ARHGAP15: variants seen among roughly 807,000 people sequenced by gnomAD.
ARHGAP15 encodes the protein Rho GTPase activating protein 15.
A neutral mutation model predicts 63.7 loss-of-function variants in ARHGAP15; 51 were observed. That is an observed-to-expected ratio of 0.80 (90% CI 0.64 to 1.01). The LOEUF is 1.01. Among genes scored for constraint, ARHGAP15 ranks in the 50% least tolerant of loss-of-function variants. The pLI is 0.00. For missense variants in ARHGAP15, 560 were observed against 564.6 expected (o/e 0.99, Z 0.08); for synonymous variants, 191 against 193.8 (o/e 0.99, Z 0.12).
At chr2:143,697,229 A>G (rs914253621) in intron 12 of ARHGAP15, among the ~76,000 whole-genome samples, 6 of 152,306 alleles carry the variant, frequency 3.9e-5, no homozygotes, top group Middle Eastern at 3.4e-3. Flanking sequence ...TTAGGAAAGC[A>G]TACTAAATAG....
intron 6 of ARHGAP15, among the ~76,000 whole-genome samples, chr2:143,319,567 A>G (rs1304604601): frequency 6.6e-6 from 1 of 152,188 alleles, no homozygotes; most frequent in Non-Finnish European, 1.5e-5. Context: ...TTTAAATAAC[A>G]TAATATGTTC....
In ARHGAP15 at chr2:143,183,651, G is replaced by T. The variant is rs1691324911; in HGVS notation, c.166-18483G>T. Among the ~76,000 whole-genome samples, 3 of 151,876 alleles carry T rather than the reference G, an allele frequency of 2.0e-5. 1 individual carries two copies. The South Asian group carries it at 6.2e-4, about 32-fold the overall frequency. ...AGTTTCAGGCCGAGTGTGAGAATAG[G>T]ACACTCTAAAACACTTTAAAAATCT... On this transcript the variant is annotated intron_variant, in intron 2 of 13. Coordinates refer to ENST00000295095, the MANE Select transcript of ARHGAP15 (RefSeq NM_018460.4).
intron 6 of ARHGAP15, among the ~76,000 whole-genome samples, chr2:143,374,101 A>T (rs771163562): frequency 2.6e-5 from 4 of 152,216 alleles, no homozygotes; most frequent in Admixed American, 6.5e-5. Flanking sequence ...TACTTTTGTT[A>T]TTTCTCAAAG....
chr2:143,400,704 G>A (rs1687953531), intron 6 of ARHGAP15, among the ~76,000 whole-genome samples: 1 of 151,908 alleles, frequency 6.6e-6, no homozygotes, highest in Non-Finnish European at 1.5e-5. Flanking sequence ...TTAACTTATG[G>A]ATAGGGTGTT....
At chr2:143,437,545 A>T (rs1315732204) in intron 8 of ARHGAP15, among the ~76,000 whole-genome samples, 2 of 152,224 alleles carry the variant, frequency 1.3e-5, no homozygotes, top group Non-Finnish European at 2.9e-5. Flanking sequence ...CTCCAAGGTC[A>T]CACCTAGTTC....
intron 4 of ARHGAP15, among the ~76,000 whole-genome samples, chr2:143,220,915 G>T (rs921272145): frequency 1.3e-5 from 2 of 151,882 alleles, no homozygotes; most frequent in Admixed American, 6.6e-5. Flanking sequence ...CTCTATTATT[G>T]CTTCCTATTG....
intron 11 of ARHGAP15, among the ~76,000 whole-genome samples, chr2:143,561,164 C>A (rs1439133291): frequency 6.6e-6 from 1 of 152,174 alleles, no homozygotes; most frequent in Non-Finnish European, 1.5e-5. Flanking sequence ...AGGCTAAACT[C>A]CCCCTCCTTC....
At chr2:143,528,103 A>G (rs889791465) in intron 10 of ARHGAP15, among the ~76,000 whole-genome samples, 4 of 152,070 alleles carry the variant, frequency 2.6e-5, no homozygotes, top group Non-Finnish European at 5.9e-5. Context: ...ACCATCAGCA[A>G]CTACTAAAAT....
chr2:143,676,257 C>CA (rs1682820715), intron 12 of ARHGAP15: 2 of 152,240 alleles, frequency 1.3e-5, no homozygotes, highest in Admixed American at 1.3e-4. Flanking sequence ...CGAGCCCACT[C>CA]AAATTTTCTT....
chr2:143,642,768 C>T (rs966952084), intron 12 of ARHGAP15, among the ~76,000 whole-genome samples: 3 of 152,048 alleles, frequency 2.0e-5, no homozygotes, highest in Non-Finnish European at 4.4e-5. Context: ...ATGAAGGAGG[C>T]ATTAAGAGTA....
intron 2 of ARHGAP15, 128 bp from the exon 3 acceptor site, chr2:143,202,006 T>G (rs1692138027): frequency 1.3e-6 from 1 of 754,336 alleles, no homozygotes; most frequent in African/African-American, 1.8e-5. Context: ...CCAAAACATT[T>G]ACTTCTCATT....
At chr2:143,206,674 A>G (rs1461972143) in intron 3 of ARHGAP15, among the ~76,000 whole-genome samples, 3 of 152,034 alleles carry the variant, frequency 2.0e-5, no homozygotes, top group African/African-American at 7.2e-5. Flanking sequence ...TGTCTTATTT[A>G]TTGTTTTACT....
intron 6 of ARHGAP15, among the ~76,000 whole-genome samples, chr2:143,312,475 TAAAAA>T (rs1239058912): frequency 2.0e-5 from 3 of 151,774 alleles, no homozygotes; most frequent in East Asian, 1.9e-4. Context: ...TTTTCAAAGA[TAAAAA>T]GAAAAAAAAA....
At chr2:143,349,179 C>T (rs1277480952) in intron 6 of ARHGAP15, among the ~76,000 whole-genome samples, 2 of 152,154 alleles carry the variant, frequency 1.3e-5, no homozygotes, top group Admixed American at 6.6e-5. Flanking sequence ...TTCATCTAGT[C>T]AACACTTAGG....
chr2:143,250,467 C>A, intron 5 of ARHGAP15, 44 bp from the exon 6 acceptor site: 1 of 1,416,202 alleles, frequency 7.1e-7, no homozygotes, highest in Non-Finnish European at 1.0e-6. Context: ...CATCTATCTA[C>A]AGTGTTGCAT....
At chr2:143,517,915 G>A (rs1693890284) in intron 9 of ARHGAP15, among the ~76,000 whole-genome samples, 1 of 152,162 alleles carries the variant, frequency 6.6e-6, no homozygotes, top group African/African-American at 2.4e-5. Context: ...AGACGGGGAG[G>A]AAAGACCCAA....
At chr2:143,556,745 G>T (rs1211128368) in intron 11 of ARHGAP15, among the ~76,000 whole-genome samples, 1 of 151,822 alleles carries the variant, frequency 6.6e-6, no homozygotes, top group Non-Finnish European at 1.5e-5. Flanking sequence ...ATGGGGGAAA[G>T]AATAGAAAAA....
intron 8 of ARHGAP15, among the ~76,000 whole-genome samples, chr2:143,469,560 G>A (rs935046978): frequency 2.3e-4 from 34 of 151,100 alleles, no homozygotes; most frequent in African/African-American, 8.3e-4. Context: ...ACACCCAGAG[G>A]CTTGCTCCAG....
chr2:143,687,087 G>T (rs1574841137), intron 12 of ARHGAP15, among the ~76,000 whole-genome samples: 1 of 152,110 alleles, frequency 6.6e-6, no homozygotes, highest in African/African-American at 2.4e-5. Context: ...CAAAATTAAA[G>T]TTTAGGGATA....
Sources: gnomAD v4.1 joint callset for allele counts (sites outside exome capture counted in the v4.1 genomes callset) on GRCh38, gnomAD v4.1.1 for gene constraint, MANE v1.5 for transcripts, NCBI Gene and HGNC (gene_info 2026-07-23, HGNC 2026-07-21) for gene names.